Variants in ANKRD30B observed in about 807,000 individuals in gnomAD.
The protein encoded by ANKRD30B is ankyrin repeat domain-containing protein 30B.
A neutral mutation model predicts 202.2 loss-of-function variants in ANKRD30B; 144 were observed. The observed-to-expected ratio is 0.71, with a 90% CI of 0.62 to 0.82. The LOEUF (loss-of-function observed/expected upper bound fraction) is 0.82. Ranked by LOEUF, ANKRD30B falls within the 40% of genes least tolerant of loss-of-function variation. The pLI is 0.00. For synonymous variants in ANKRD30B, 508 were observed against 561.3 expected (o/e 0.91, Z 1.34); for missense variants, 1,487 against 1,669.1 (o/e 0.89, Z 1.90).
In ANKRD30B at chr18:14,748,351, G is replaced by GA. The variant is rs1912802810; in HGVS notation, c.-69_-68insA. ...CTGGGGAAGGGTAAGCGGGAAGCGA[G>GA]GGCGAGGGGTAGGGGCTGGGGAAGG... On this transcript the variant is annotated 5_prime_UTR_variant, in exon 1 of 44. Transcript: ENST00000690538. 4.6e-6 allele frequency: 6 copies of GA among 1,314,898 alleles called. No homozygotes were observed. The highest frequency in any genetic ancestry group is 1.5e-5 in the African/African-American group (1 of 66,566). The allele number at this position is 1,314,898 out of a possible 1,614,324, so 81.5% of individuals were successfully genotyped here. A position where few individuals can be genotyped will look rare whatever the true frequency, so the allele number is the denominator to read the frequency against.
chr18:14,833,344 G>A (rs1471398761), intron 34 of ANKRD30B, among the ~76,000 whole-genome samples: 2 of 151,948 alleles, frequency 1.3e-5, no homozygotes, highest in Admixed American at 6.6e-5. Context: ...CACCTCCCGG[G>A]TTCACACCAT....
At chr18:14,842,573 C>G (rs1403404907) in intron 37 of ANKRD30B, among the ~76,000 whole-genome samples, 1 of 152,198 alleles carries the variant, frequency 6.6e-6, no homozygotes, top group Non-Finnish European at 1.5e-5. Flanking sequence ...TTTTCTGGGT[C>G]ATAATTTGCT....
chr18:14,817,878 A>G (rs1051261615), intron 30 of ANKRD30B, among the ~76,000 whole-genome samples: 5 of 152,148 alleles, frequency 3.3e-5, no homozygotes, highest in African/African-American at 1.2e-4. Flanking sequence ...CTTTTTTTAT[A>G]AAACACCTAC....
At chr18:14,818,574 A>G (rs572601678) in intron 30 of ANKRD30B, among the ~76,000 whole-genome samples, 2 of 131,760 alleles carry the variant, frequency 1.5e-5, no homozygotes, top group African/African-American at 2.9e-5. Flanking sequence ...ATGTGTTCTC[A>G]TTGTTCATTT....
At chr18:14,795,285 C>T (rs1456089984) in intron 16 of ANKRD30B, among the ~76,000 whole-genome samples, 1 of 152,220 alleles carries the variant, frequency 6.6e-6, no homozygotes, top group African/African-American at 2.4e-5. Context: ...CCACCTGGGC[C>T]TCCTGGGTTC....
intron 8 of ANKRD30B, among the ~76,000 whole-genome samples, chr18:14,770,478 G>A (rs1966921548): frequency 6.6e-6 from 1 of 152,114 alleles, no homozygotes; most frequent in African/African-American, 2.4e-5. Flanking sequence ...AATAGGAAGA[G>A]GGAATGGGTC....
chr18:14,933,206 T>G, the ANKRD30B span, among the ~76,000 whole-genome samples: 1 of 152,142 alleles, frequency 6.6e-6, no homozygotes, highest in Non-Finnish European at 1.5e-5. Flanking sequence ...AGTGGGGGAA[T>G]GACAGTGGGG....
chr18:14,933,517 C>A, the ANKRD30B span, among the ~76,000 whole-genome samples: 1 of 151,924 alleles, frequency 6.6e-6, no homozygotes, highest in Non-Finnish European at 1.5e-5. Context: ...GAAATCGGGA[C>A]TGGGTGGGAG....
chr18:14,865,570 G>A, the ANKRD30B span, among the ~76,000 whole-genome samples: 1 of 145,912 alleles, frequency 6.9e-6, no homozygotes, highest in Non-Finnish European at 1.5e-5. Context: ...GAAACCTTCC[G>A]TCCCTCCTGT....
At chr18:14,800,756 T>G (rs1275525245) in intron 22 of ANKRD30B, among the ~76,000 whole-genome samples, 2 of 91,894 alleles carry the variant, frequency 2.2e-5, no homozygotes, top group Non-Finnish European at 4.3e-5. Flanking sequence ...TACATAAAAT[T>G]TTTTTCAACT....
chr18:14,861,882 C>T, the ANKRD30B span, among the ~76,000 whole-genome samples: 1 of 152,232 alleles, frequency 6.6e-6, no homozygotes, highest in South Asian at 2.1e-4. Flanking sequence ...ACCACATGCT[C>T]AGTCATAAAA....
chr18:14,924,372 A>C, the ANKRD30B span, among the ~76,000 whole-genome samples: 1 of 152,226 alleles, frequency 6.6e-6, no homozygotes, highest in Non-Finnish European at 1.5e-5. Context: ...CTATATGTAG[A>C]TGGTGATTCA....
the ANKRD30B span, among the ~76,000 whole-genome samples, chr18:14,940,088 TG>T: frequency 6.6e-6 from 1 of 152,200 alleles, no homozygotes; most frequent in African/African-American, 2.4e-5. Flanking sequence ...GAATCACCGA[TG>T]GATTTTATTT....
At chr18:14,775,146 C>T (rs1160215124) in intron 9 of ANKRD30B, among the ~76,000 whole-genome samples, 1 of 152,072 alleles carries the variant, frequency 6.6e-6, no homozygotes, top group Non-Finnish European at 1.5e-5. Context: ...ACAAGCAAAC[C>T]AAGAAATTAT....
chr18:14,817,779 G>A (rs1293337670), intron 30 of ANKRD30B, among the ~76,000 whole-genome samples: 1 of 152,114 alleles, frequency 6.6e-6, no homozygotes, highest in Non-Finnish European at 1.5e-5. Flanking sequence ...CAGAAGTAAA[G>A]TTTAAAGATA....
intron 7 of ANKRD30B, among the ~76,000 whole-genome samples, chr18:14,764,361 T>C (rs1241040692): frequency 6.6e-6 from 1 of 152,146 alleles, no homozygotes. Flanking sequence ...AGGGATATCA[T>C]AGGATCCCTT....
chr18:14,883,443 T>A, the ANKRD30B span: 1 of 132,288 alleles, frequency 7.6e-6, no homozygotes, highest in African/African-American at 2.8e-5. Context: ...ATATCTCCTG[T>A]TCTGTATATA....
At chr18:14,849,021 T>G (rs1971774546) in intron 40 of ANKRD30B, 92 bp downstream of exon 40, 1 of 1,336,130 alleles carries the variant, frequency 7.5e-7, no homozygotes, top group Admixed American at 3.8e-5. Context: ...CCTTCTGAGA[T>G]TTAACTGGAG....
chr18:14,752,354 A>T (rs1889465562), intron 1 of ANKRD30B, among the ~76,000 whole-genome samples: 1 of 152,188 alleles, frequency 6.6e-6, no homozygotes, highest in Non-Finnish European at 1.5e-5. Flanking sequence ...ACTGAATCCA[A>T]AGGCCAAGCT....
Sources: gnomAD v4.1 joint callset for allele counts (sites outside exome capture counted in the v4.1 genomes callset) on GRCh38, gnomAD v4.1.1 for gene constraint, MANE v1.5 for transcripts, NCBI Gene and HGNC (gene_info 2026-07-23, HGNC 2026-07-21) for gene names.